COL24A1: variants seen among roughly 807,000 people sequenced by gnomAD.
COL24A1 encodes the protein collagen type XXIV alpha 1 chain.
COL24A1 carries 224 observed loss-of-function variants against 253.9 expected under a neutral mutation model. The ratio of observed to expected loss-of-function variants is 0.88; its 90% CI spans 0.79 to 0.99. The LOEUF is 0.99. Ranked by LOEUF, COL24A1 falls within the 50% of genes least tolerant of loss-of-function variation. The pLI, the probability that COL24A1 is intolerant of heterozygous loss-of-function variation, is 0.00. For synonymous variants in COL24A1, 685 were observed against 673.7 expected (o/e 1.02, Z -0.26); for missense variants, 2,131 against 2,068.5 (o/e 1.03, Z -0.59).
At chr1:86,114,816 G>A (rs2892909) in intron 4 of COL24A1, among the ~76,000 whole-genome samples, 26,055 of 152,048 alleles carry the variant, frequency 0.17, 2,350 homozygotes, top group South Asian at 0.25. Flanking sequence ...TTAGGTTTGA[G>A]AGAAACTAAT....
rs942841120 is a variant in COL24A1 at position 86,120,677 on chromosome 1, C to T, written c.1491+4168G>A. ...TAGAGGATGTGGAGAAATAGGAATG[C>T]TCTTACACTGTTGATGGGAGTGTAA... On this transcript the variant is annotated intron_variant, in intron 3 of 59. Transcript: ENST00000370571. Among the ~76,000 whole-genome samples the T allele has an allele frequency of 5.9e-5, 9 of 152,214 alleles. No individual in the cohort carries two copies. The East Asian group carries it at 1.7e-3, about 29-fold the overall frequency.
chr1:86,093,275 C>T (rs1703638928), intron 5 of COL24A1, among the ~76,000 whole-genome samples: 1 of 152,008 alleles, frequency 6.6e-6, no homozygotes, highest in Non-Finnish European at 1.5e-5. Context: ...TGGCAGAGTC[C>T]TGTATTCTAT....
rs759028320 is a variant in COL24A1 at position 86,112,632 on chromosome 1, GA to G, written c.1546-13del. ...GGCCCTGGTATGCCCTGCAAGTAACGAAAAAAGTCATCATTCTTGGAACATA... is the reference window on the plus strand; with the variant it reads ...GGCCCTGGTATGCCCTGCAAGTAACGAAAAAGTCATCATTCTTGGAACATA... On this transcript the variant is annotated splice_polypyrimidine_tract_variant and intron_variant, in intron 4 of 59. Transcript: ENST00000370571. The G allele has an allele frequency of 6.0e-5, 96 of 1,610,272 alleles. No homozygotes were observed. Among genetic ancestry groups the G allele is most frequent in the Non-Finnish European group, 8.0e-5 (94 of 1,177,988 alleles).
chr1:86,043,762 A>G (rs1010157830), intron 12 of COL24A1, among the ~76,000 whole-genome samples: 2 of 152,098 alleles, frequency 1.3e-5, no homozygotes, highest in Non-Finnish European at 2.9e-5. Context: ...TCTTGATCTC[A>G]TGATCCGCCC....
intron 55 of COL24A1, among the ~76,000 whole-genome samples, chr1:85,747,014 T>C (rs1466280541): frequency 6.6e-6 from 1 of 152,076 alleles, no homozygotes; most frequent in East Asian, 1.9e-4. Context: ...TCTCAAACTC[T>C]TCAGAATCAG....
chr1:85,957,215 A>G (rs1005294977), intron 24 of COL24A1, among the ~76,000 whole-genome samples: 1 of 152,154 alleles, frequency 6.6e-6, no homozygotes, highest in African/African-American at 2.4e-5. Context: ...GGGGAGGGAG[A>G]GCATGAGGAC....
chr1:86,125,555 G>C lies in COL24A1; in HGVS notation c.781C>G (p.Pro261Ala). The change falls in exon 3 of 60, where the codon CCA becomes GCA. Residue 261 changes from proline to alanine, a missense_variant. Physicochemically the swap from Pro to Ala is conservative, Grantham distance 27. Transcript: ENST00000370571. ...ETSIPCTTLI[P>A]TKIPEHSPPP... Reference sequence around the variant, plus strand: ...GGAGAGTGTTCCGGTATCTTTGTTGGTATGAGAGTTGTACAAGGAATGCTT... The same window carrying C: ...GGAGAGTGTTCCGGTATCTTTGTTGCTATGAGAGTTGTACAAGGAATGCTT... 2 of 1,613,518 alleles carry C rather than the reference G, an allele frequency of 1.2e-6. No individual in the cohort carries two copies.
intron 24 of COL24A1, among the ~76,000 whole-genome samples, chr1:85,932,298 A>G (rs1687812802): frequency 1.4e-5 from 1 of 70,862 alleles, no homozygotes. Context: ...ACACTTCTCA[A>G]AAGAAGACAT....
intron 11 of COL24A1, among the ~76,000 whole-genome samples, chr1:86,047,285 C>A (rs564829958): frequency 2.6e-5 from 4 of 152,146 alleles, no homozygotes; most frequent in Non-Finnish European, 4.4e-5. Context: ...TGTGCACTGG[C>A]AATCTTGCAA....
In COL24A1 at chr1:86,125,495, C is replaced by G. The variant is rs1319286358; in HGVS notation, c.841G>C (p.Glu281Gln). The G allele has an allele frequency of 1.2e-6, 2 of 1,613,620 alleles. No individual in the cohort carries two copies. Among genetic ancestry groups the G allele is most frequent in the Non-Finnish European group, 1.7e-6 (2 of 1,179,776 alleles). Residue 281 changes from glutamate to glutamine, a missense_variant, in exon 3 of 60, where the codon GAG (glutamate) becomes CAG (glutamine). Physicochemically the swap from Glu to Gln is conservative, Grantham distance 29 (BLOSUM62 2). Coordinates refer to ENST00000370571, the MANE Select transcript of COL24A1 (RefSeq NM_152890.7). ...PKLFAEKVLS[E>Q]DTFTEGKSIP... ...CTTTTGCCTTCAGTAAATGTATCCT[C>G]TGACAGTACTTTTTCAGCAAATAGT... is the stretch of plus-strand genomic sequence containing the variant.
At chr1:85,873,229 C>T (rs1261737961) in intron 35 of COL24A1, among the ~76,000 whole-genome samples, 2 of 152,160 alleles carry the variant, frequency 1.3e-5, no homozygotes, top group Non-Finnish European at 2.9e-5. Flanking sequence ...AACACTTTTA[C>T]ACTGTTGGTG....
At chr1:86,063,066 C>T (rs985731881) in intron 8 of COL24A1, among the ~76,000 whole-genome samples, 6 of 152,138 alleles carry the variant, frequency 3.9e-5, no homozygotes, top group African/African-American at 1.4e-4. Flanking sequence ...CAATATAGTA[C>T]ACACCATAAG....
At chr1:86,134,554 G>A (rs1421035661) in intron 2 of COL24A1, among the ~76,000 whole-genome samples, 52 of 148,960 alleles carry the variant, frequency 3.5e-4, no homozygotes, top group Non-Finnish European at 4.8e-4. Context: ...TTGTGTCTTG[G>A]TTCTCGTTGG....
chr1:85,754,955 A>T (rs997772794), intron 55 of COL24A1, among the ~76,000 whole-genome samples: 3 of 152,204 alleles, frequency 2.0e-5, no homozygotes, highest in Non-Finnish European at 4.4e-5. Context: ...TGATGCAAAA[A>T]TATTAACCTA....
intron 53 of COL24A1, among the ~76,000 whole-genome samples, chr1:85,771,951 A>T (rs191818043): frequency 8.4e-6 from 1 of 118,838 alleles, no homozygotes; most frequent in South Asian, 3.2e-4. Flanking sequence ...CCTCCCCCGT[A>T]CCCCCACCCC....
At chr1:85,963,914 G>A (rs1691314926) in intron 23 of COL24A1, among the ~76,000 whole-genome samples, 1 of 151,376 alleles carries the variant, frequency 6.6e-6, no homozygotes, top group African/African-American at 2.4e-5. Flanking sequence ...TAAGCCTTTT[G>A]TTTGTAAATA....
intron 19 of COL24A1, among the ~76,000 whole-genome samples, chr1:85,996,874 A>G (rs1334145705): frequency 1.3e-5 from 2 of 151,758 alleles, no homozygotes; most frequent in Non-Finnish European, 2.9e-5. Flanking sequence ...TGATTAAAAA[A>G]GATTTATATT....
intron 5 of COL24A1, among the ~76,000 whole-genome samples, chr1:86,109,307 T>C (rs75472733): frequency 0.036 from 3,948 of 109,950 alleles, 56 homozygotes; most frequent in Middle Eastern, 0.055. Context: ...TCAAAAAAAT[T>C]TTCAACACAG....
At chr1:85,973,792 C>G (rs1231976895) in intron 20 of COL24A1, among the ~76,000 whole-genome samples, 1 of 152,096 alleles carries the variant, frequency 6.6e-6, no homozygotes, top group African/African-American at 2.4e-5. Context: ...TACTTTTTCT[C>G]TCTTCTTTCA....
Sources: gnomAD v4.1 joint callset for allele counts (sites outside exome capture counted in the v4.1 genomes callset) on GRCh38, gnomAD v4.1.1 for gene constraint, MANE v1.5 for transcripts, NCBI Gene and HGNC (gene_info 2026-07-23, HGNC 2026-07-21) for gene names.